The following CAMK1D variants were observed in gnomAD, a reference collection of about 807,000 sequenced individuals.
CAMK1D encodes the protein calcium/calmodulin-dependent protein kinase type 1D.
In CAMK1D, 9 loss-of-function variants were observed where a neutral mutation model predicts 47.7. The ratio of observed to expected loss-of-function variants is 0.19; its 90% CI spans 0.11 to 0.33. CAMK1D has a LOEUF of 0.33. CAMK1D is among the 10% of genes least tolerant of loss of function. The pLI, the probability that CAMK1D is intolerant of heterozygous loss-of-function variation, is 1.00. For missense variants in CAMK1D, 291 were observed against 488.7 expected (o/e 0.60, Z 3.81); for synonymous variants, 184 against 184.9 (o/e 0.99, Z 0.04).
chr10:12,573,000 CAACAGGAGGG>C (rs1837373926), intron 2 of CAMK1D, among the ~76,000 whole-genome samples: 1 of 152,166 alleles, frequency 6.6e-6, no homozygotes, highest in African/African-American at 2.4e-5. Context: ...CATAGGAGGT[CAACAGGAGGG>C]AGGCGAGTGT....
chr10:12,502,082 G>A (rs948357984), intron 1 of CAMK1D, among the ~76,000 whole-genome samples: 2 of 152,212 alleles, frequency 1.3e-5, no homozygotes. Context: ...CACAGGCTCA[G>A]GGTCAGGAAC....
chr10:12,363,572 G>T (rs1837745269), intron 1 of CAMK1D, among the ~76,000 whole-genome samples: 1 of 150,032 alleles, frequency 6.7e-6, no homozygotes, highest in Admixed American at 6.7e-5. Flanking sequence ...CAATGTAAAT[G>T]TTATGTAAAT....
At chr10:12,376,162 C>CAAAAAAAAAAAAAA (rs59804213) in intron 1 of CAMK1D, among the ~76,000 whole-genome samples, 21 of 59,982 alleles carry the variant, frequency 3.5e-4, no homozygotes, top group Middle Eastern at 0.016. Flanking sequence ...GACTCTGTCC[C>CAAAAAAAAAAAAAA]AAAAAAAAAA....
At chr10:12,443,212 T>G (rs1364238388) in intron 1 of CAMK1D, among the ~76,000 whole-genome samples, 1 of 152,190 alleles carries the variant, frequency 6.6e-6, no homozygotes, top group East Asian at 1.9e-4. Context: ...GCAGATCTTC[T>G]CGGGGTTTGC....
At chr10:12,479,902 A>G (rs1211366963) in intron 1 of CAMK1D, among the ~76,000 whole-genome samples, 1 of 152,214 alleles carries the variant, frequency 6.6e-6, no homozygotes, top group Non-Finnish European at 1.5e-5. Flanking sequence ...CTGTGTCCAC[A>G]GTTCTCAACG....
intron 3 of CAMK1D, among the ~76,000 whole-genome samples, chr10:12,743,642 C>G (rs149233887): frequency 2.0e-4 from 31 of 152,334 alleles, no homozygotes; most frequent in Non-Finnish European, 2.2e-4. Flanking sequence ...ACCCCCAAAA[C>G]GACCTCTAAA....
At chr10:12,536,443 T>A (rs1176609666) in intron 1 of CAMK1D, among the ~76,000 whole-genome samples, 1 of 152,146 alleles carries the variant, frequency 6.6e-6, no homozygotes, top group African/African-American at 2.4e-5. Flanking sequence ...CACACCTAGA[T>A]AATTTTTGTA....
At chr10:12,672,896 C>CTTTTTTTTTTTTTTTTTTTT (rs750447013) in intron 3 of CAMK1D, among the ~76,000 whole-genome samples, 23 of 76,494 alleles carry the variant, frequency 3.0e-4, no homozygotes, top group African/African-American at 3.8e-4. Context: ...ATAGGCTTGC[C>CTTTTTTTTTTTTTTTTTTTT]TTTTTTTTTT....
intron 3 of CAMK1D, among the ~76,000 whole-genome samples, chr10:12,669,316 T>C (rs1364999463): frequency 1.3e-5 from 2 of 152,124 alleles, no homozygotes; most frequent in African/African-American, 4.8e-5. Context: ...CAGAGAGGAA[T>C]TAGGGTGGGA....
intron 1 of CAMK1D, among the ~76,000 whole-genome samples, chr10:12,454,307 C>T (rs746834345): frequency 5.3e-5 from 8 of 151,984 alleles, no homozygotes; most frequent in African/African-American, 9.7e-5. Context: ...GGACTACAGG[C>T]GCGTGCCACC....
chr10:12,699,434 A>T (rs547264585), intron 3 of CAMK1D, among the ~76,000 whole-genome samples: 44 of 152,186 alleles, frequency 2.9e-4, no homozygotes, highest in African/African-American at 1.1e-3. Flanking sequence ...ATGCTTCAGG[A>T]TCTTGATCCT....
intron 3 of CAMK1D, among the ~76,000 whole-genome samples, chr10:12,735,089 C>T (rs1835119850): frequency 1.3e-5 from 2 of 152,222 alleles, no homozygotes; most frequent in Admixed American, 6.5e-5. Flanking sequence ...AGTGCTTTCT[C>T]TGTGTCTGCT....
rs149361445 is a variant in CAMK1D, at chr10:12,674,297, G to C, written c.299+7487G>C. On this transcript the variant is annotated intron_variant, in intron 3 of 10. Coordinates refer to ENST00000619168, the MANE Select transcript of CAMK1D (RefSeq NM_153498.4). The stretch of plus-strand genomic sequence containing the variant: ...GAGTTTTTGTTTTTATTTTGTTTTT[G>C]TTTGACTAAAGAGCTAAGAAAGTCT... 2.0e-3 allele frequency among the ~76,000 whole-genome samples: 306 copies of C among 152,260 alleles called. 3 individuals carry two copies. Among genetic ancestry groups the C allele is most frequent in the African/African-American group, 6.8e-3 (283 of 41,548 alleles).
intron 3 of CAMK1D, among the ~76,000 whole-genome samples, chr10:12,669,569 AT>A (rs1840544315): frequency 6.6e-6 from 1 of 152,158 alleles, no homozygotes; most frequent in African/African-American, 2.4e-5. Context: ...CACTGTATCC[AT>A]TTAAATGGAC....
chr10:12,367,804 C>T (rs923620851), intron 1 of CAMK1D, among the ~76,000 whole-genome samples: 1 of 152,084 alleles, frequency 6.6e-6, no homozygotes, highest in African/African-American at 2.4e-5. Context: ...GCTTGGTTGC[C>T]GGCTGCTCAC....
At chr10:12,575,067 T>C (rs1054764501) in intron 2 of CAMK1D, among the ~76,000 whole-genome samples, 5 of 152,044 alleles carry the variant, frequency 3.3e-5, no homozygotes, top group African/African-American at 1.2e-4. Context: ...ATCCAACCCC[T>C]ATCACTCCTA....
intron 1 of CAMK1D, among the ~76,000 whole-genome samples, chr10:12,386,851 T>C (rs931830504): frequency 2.6e-5 from 4 of 152,198 alleles, no homozygotes; most frequent in African/African-American, 7.2e-5. Flanking sequence ...TAAATTCACA[T>C]ACAATATAAT....
At chr10:12,743,353 AAAAAAAG>A (rs201487562) in intron 3 of CAMK1D, among the ~76,000 whole-genome samples, 14,668 of 149,324 alleles carry the variant, frequency 0.098, 779 homozygotes, top group Admixed American at 0.16. Context: ...TCTCAAAAAA[AAAAAAAG>A]AAAAAAGAAA....
intron 2 of CAMK1D, among the ~76,000 whole-genome samples, chr10:12,639,521 A>G (rs1839609313): frequency 6.6e-6 from 1 of 152,028 alleles, no homozygotes; most frequent in Non-Finnish European, 1.5e-5. Context: ...CAGAACCAGA[A>G]AGGGCTTTAA....
Sources: gnomAD v4.1 joint callset for allele counts (sites outside exome capture counted in the v4.1 genomes callset) on GRCh38, gnomAD v4.1.1 for gene constraint, MANE v1.5 for transcripts, NCBI Gene and HGNC (gene_info 2026-07-23, HGNC 2026-07-21) for gene names.